Variants in PSG8 observed in about 807,000 individuals in gnomAD.
PSG8 encodes pregnancy specific beta-1-glycoprotein 8.
In PSG8, 57 loss-of-function variants were observed where a neutral mutation model predicts 42.5. The ratio of observed to expected loss-of-function variants is 1.34; its 90% CI spans 1.08 to 1.67. The LOEUF (loss-of-function observed/expected upper bound fraction) is 1.67. PSG8 is among the 40% of genes most tolerant of loss of function. PSG8 has a pLI of 0.00. For missense variants in PSG8, 783 were observed against 518.6 expected (o/e 1.51, Z -4.95); for synonymous variants, 280 against 196.8 (o/e 1.42, Z -3.54).
chr19:42,764,064 T>G lies in PSG8; in HGVS notation c.282A>C (p.Ala94=), dbSNP rs7256456. The change falls in exon 2 of 5, where the codon GCA becomes GCC. Residue 94 remains alanine (A), a synonymous_variant. Transcript: ENST00000306511. ...VDGQIIIYGP[A]YSGRETIYSN... ...AATATATTGTTTCTCGTCCACTGTA[T>G]GCAGGCCCATATATAATTATTTGAC... 101,663 of 1,613,368 alleles carry G rather than the reference T, an allele frequency of 0.063. 4,418 individuals carry two copies. Among genetic ancestry groups the G allele is most frequent in the African/African-American group, 0.16 (12,247 of 74,908 alleles).
intron 3 of PSG8, chr19:42,756,122 G>A (rs1402493508): frequency 6.6e-6 from 1 of 152,226 alleles, no homozygotes; most frequent in East Asian, 1.9e-4. Context: ...AGGATCTGCT[G>A]GAAATCTGGT....
At chr19:42,753,316 A>T, downstream of PSG8, 1 of 780,492 alleles carries the variant, frequency 1.3e-6, no homozygotes, top group Non-Finnish European at 2.4e-6. Flanking sequence ...TCTTTTTCTT[A>T]GCGATTCCAT....
chr19:42,758,029 T>A lies in PSG8; in HGVS notation c.682A>T (p.Ser228Cys). The A allele has an allele frequency of 6.2e-7, 1 of 1,614,024 alleles. No individual in the cohort carries two copies. The highest frequency in any genetic ancestry group is 1.3e-5 in the African/African-American group (1 of 75,030). ...AGGAGATTCAGGGTGAATGGGTCAC[T>A]GCGGCTGGCACTCACTGGGTTCCGT... is the stretch of plus-strand genomic sequence containing the variant. Reference protein sequence around the residue: ...EIRNPVSASRSDPFTLNLLPK... With the variant: ...EIRNPVSASRCDPFTLNLLPK... The change falls in exon 3 of 5, where the codon AGT (serine) becomes TGT (cysteine). Residue 228 changes from serine to cysteine, a missense_variant. Coordinates refer to ENST00000306511, the MANE Select transcript of PSG8 (RefSeq NM_182707.3).
rs1222942685 is a variant in PSG8, at chr19:42,754,371, C to A, written c.1205G>T (p.Gly402Val). The change falls in exon 5 of 5, where the codon GGC becomes GTC. Residue 402 changes from glycine to valine, a missense_variant. Coordinates refer to ENST00000306511, the MANE Select transcript of PSG8 (RefSeq NM_182707.3). ...YACSVRNSAT[G>V]KESSKSMTVK... Reference sequence around the variant, plus strand: ...TGTCATGGATTTGGAGCTTTCCTTGCCAGTGGCTGAGTTACGAACAGAGCA... The same window carrying A: ...TGTCATGGATTTGGAGCTTTCCTTGACAGTGGCTGAGTTACGAACAGAGCA... The A allele has an allele frequency of 1.4e-5, 22 of 1,613,780 alleles. No homozygotes were observed. The highest frequency in any genetic ancestry group is 1.9e-5 in the Non-Finnish European group (22 of 1,179,782).
At position 42,764,112 on chromosome 19, in the gene PSG8, G is replaced by A. The variant is rs1970150916; in HGVS notation, c.234C>T (p.Tyr78=). The A allele has an allele frequency of 2.5e-6, 4 of 1,613,764 alleles. No individual in the cohort carries two copies. The highest frequency in any genetic ancestry group is 2.2e-5 in the South Asian group (2 of 91,070). Residue 78 remains tyrosine, a synonymous_variant, in exon 2 of 5, where the codon TAC becomes TAT. Transcript: ENST00000306511. ...GACCGTCTACTACATATGATGTAAT[G>A]TAATGGTAGAGGTCCCTGATTTGCC... ...YKGQIRDLYH[Y]ITSYVVDGQI...
At chr19:42,765,410 C>T in intron 1 of PSG8, 108 bp downstream of exon 1, 3 of 1,534,166 alleles carry the variant, frequency 2.0e-6, no homozygotes, top group South Asian at 2.2e-5. Flanking sequence ...CCTCAGCCTC[C>T]CAAAGTGCTG....
Position 42,755,161 on chromosome 19 carries a change from A to C in PSG8, c.815T>G (p.Ile272Ser), listed in dbSNP as rs749493177. Reference sequence around the variant, plus strand: ...GAGGCTCTGACCATTTAGCCACCAAATGTAGGTGTAGTTCTCACTCTTAGG... The same window carrying C: ...GAGGCTCTGACCATTTAGCCACCAACTGTAGGTGTAGTTCTCACTCTTAGG... ...CEPKSENYTYIWWLNGQSLPV... is the reference protein window; with the variant it reads ...CEPKSENYTYSWWLNGQSLPV... The change falls in exon 4 of 5, where the codon ATT becomes AGT. Residue 272 changes from isoleucine to serine, a missense_variant. Ile to Ser is a moderately radical substitution (Grantham distance 142, BLOSUM62 -2). Coordinates refer to ENST00000306511, the MANE Select transcript of PSG8 (RefSeq NM_182707.3). 2 of 1,611,764 alleles carry C rather than the reference A, an allele frequency of 1.2e-6. No homozygotes were observed. The highest frequency in any genetic ancestry group is 1.3e-5 in the African/African-American group (1 of 74,828).
At position 42,765,670 on chromosome 19, in the gene PSG8, C is replaced by T. The variant is rs912734729; in HGVS notation, c.-89G>A. On this transcript the variant is annotated 5_prime_UTR_variant, in exon 1 of 5. Coordinates refer to ENST00000306511, the MANE Select transcript of PSG8 (RefSeq NM_182707.3). ...CACAGCTCTCAGCAGTGCTGTCCTGCCTCCTTCTGCGCTGAGCTTCTTCCC... is the reference window on the plus strand; with the variant it reads ...CACAGCTCTCAGCAGTGCTGTCCTGTCTCCTTCTGCGCTGAGCTTCTTCCC... 16 of 1,540,196 alleles carry T rather than the reference C, an allele frequency of 1.0e-5. No homozygotes were observed. The highest frequency in any genetic ancestry group is 5.4e-5 in the Admixed American group (3 of 55,234).
downstream of PSG8, chr19:42,753,081 A>T (rs1969821439): frequency 4.9e-6 from 3 of 610,080 alleles, no homozygotes; most frequent in South Asian, 5.8e-5. Flanking sequence ...GAGGGGTGAG[A>T]GCCTCATCAT....
chr19:42,758,512 G>A (rs1453894518), intron 2 of PSG8: 1 of 945,044 alleles, frequency 1.1e-6, no homozygotes, highest in Non-Finnish European at 1.5e-6. Flanking sequence ...TTGAGCAGCA[G>A]CATTGGGTCA....
intron 4 of PSG8, 170 bp downstream of exon 4, chr19:42,754,818 G>T (rs1400419139): frequency 2.7e-6 from 4 of 1,472,814 alleles, no homozygotes; most frequent in East Asian, 2.3e-5. Context: ...TATACTCTTG[G>T]TTAAGGCTGT....
At chr19:42,757,219 C>T (rs1969948661) in intron 3 of PSG8, among the ~76,000 whole-genome samples, 1 of 151,904 alleles carries the variant, frequency 6.6e-6, no homozygotes, top group Non-Finnish European at 1.5e-5. Flanking sequence ...GGAGCAGAAA[C>T]ATATTCCCTG....
At chr19:42,759,503 A>C (rs1381272796) in intron 2 of PSG8, among the ~76,000 whole-genome samples, 1 of 152,184 alleles carries the variant, frequency 6.6e-6, no homozygotes, top group African/African-American at 2.4e-5. Flanking sequence ...GAATATTTGC[A>C]GTACATGTAC....
chr19:42,763,877 C>T, intron 2 of PSG8, 39 bp downstream of exon 2: 1 of 1,613,438 alleles, frequency 6.2e-7, no homozygotes, highest in Non-Finnish European at 8.5e-7. Flanking sequence ...GAAGTGACCC[C>T]TGTCCCCCAA....
chr19:42,761,818 T>G (rs1427462660), intron 2 of PSG8, among the ~76,000 whole-genome samples: 1 of 134,982 alleles, frequency 7.4e-6, no homozygotes, highest in Admixed American at 7.9e-5. Flanking sequence ...AACATTTCAA[T>G]AATTTTTTTT....
rs768673447 is a variant in PSG8 at position 42,763,958 on chromosome 19, C to G, written c.388G>C (p.Glu130Gln). 10 of 1,613,480 alleles carry G rather than the reference C, an allele frequency of 6.2e-6. No individual in the cohort carries two copies. Among genetic ancestry groups the G allele is most frequent in the Non-Finnish European group, 8.5e-6 (10 of 1,179,798 alleles). ...AAATGTCCAGTTACTCCTCTATTCT[C>G]ATCACCTCCCATTATGATGTGTAAG... ...YTLHIIMGGD[E>Q]NRGVTGHFTF... Residue 130 changes from glutamate to glutamine, a missense_variant, in exon 2 of 5, where the codon GAG becomes CAG. Coordinates refer to ENST00000306511, the MANE Select transcript of PSG8 (RefSeq NM_182707.3).
Position 42,764,142 on chromosome 19 carries a change from G to T in PSG8, c.204C>A (p.Tyr68Ter), listed in dbSNP as rs138118337. ...LPQNLTGYIW[Y>*]KGQIRDLYHY... is the part of the protein sequence containing the mutation. ...GGTAGAGGTCCCTGATTTGCCCTTTGTACCAGATGTAGCCAGTAAGATTCT... is the reference window on the plus strand; with the variant it reads ...GGTAGAGGTCCCTGATTTGCCCTTTTTACCAGATGTAGCCAGTAAGATTCT... Residue 68 changes from tyrosine (Y) to a stop codon, truncating the protein, a stop_gained, in exon 2 of 5, where the codon TAC (tyrosine) becomes TAA (stop). Transcript: ENST00000306511. LOFTEE classifies it high-confidence loss of function. The T allele has an allele frequency of 6.8e-6, 11 of 1,613,752 alleles. No homozygotes were observed. The highest frequency in any genetic ancestry group is 1.3e-5 in the African/African-American group (1 of 74,868).
intron 2 of PSG8, among the ~76,000 whole-genome samples, chr19:42,761,335 C>T (rs572053946): frequency 6.6e-6 from 1 of 152,286 alleles, no homozygotes; most frequent in Non-Finnish European, 1.5e-5. Context: ...TAGTGAAAGA[C>T]CATGAGATTA....
chr19:42,761,243 G>A (rs1600417339), intron 2 of PSG8, among the ~76,000 whole-genome samples: 2 of 152,156 alleles, frequency 1.3e-5, no homozygotes, highest in Admixed American at 1.3e-4. Flanking sequence ...TTAGTTTATG[G>A]TTTAAATTTG....
Sources: allele counts gnomAD v4.1 joint callset (sites outside exome capture counted in the v4.1 genomes callset), GRCh38; gene constraint gnomAD v4.1.1; transcripts MANE v1.5; gene names NCBI Gene and HGNC (gene_info 2026-07-23, HGNC 2026-07-21).